VCL: variants seen among roughly 807,000 people sequenced by gnomAD.
VCL encodes the protein vinculin, also known as epididymis luminal protein 114.
In VCL, 47 loss-of-function variants were observed where a neutral mutation model predicts 125.7. The observed-to-expected ratio is 0.37, with a 90% CI of 0.30 to 0.48. The LOEUF is 0.48. VCL is among the 20% of genes least tolerant of loss of function. The pLI, the probability that VCL is intolerant of heterozygous loss-of-function variation, is 0.99. For synonymous variants in VCL, 458 were observed against 514.6 expected (o/e 0.89, Z 1.49); for missense variants, 1,069 against 1,455.5 (o/e 0.73, Z 4.32).
intron 6 of VCL, among the ~76,000 whole-genome samples, chr10:74,079,041 T>C (rs913926491): frequency 6.6e-6 from 1 of 152,180 alleles, no homozygotes; most frequent in Non-Finnish European, 1.5e-5. Flanking sequence ...AGGTCATTAT[T>C]ATTCACAGGT....
In VCL at chr10:74,072,811, C is replaced by T. The variant is rs921627346; in HGVS notation, c.581C>T (p.Ser194Leu). 3.1e-6 allele frequency: 5 copies of T among 1,613,982 alleles called. No homozygotes were observed. Among genetic ancestry groups the T allele is most frequent in the Admixed American group, 3.3e-5 (2 of 59,992 alleles). ...HQEHRVMLVN[S>L]MNTVKELLPV... is the part of the protein sequence containing the mutation. Reference sequence around the variant, plus strand: ...GAGCACCGAGTGATGTTGGTGAACTCGATGAACACCGTGAAAGAGTTGCTG... The same window carrying T: ...GAGCACCGAGTGATGTTGGTGAACTTGATGAACACCGTGAAAGAGTTGCTG... Residue 194 changes from serine to leucine, a missense_variant, in exon 5 of 22, where the codon TCG becomes TTG. By Grantham distance (145) the Ser-to-Leu change is moderately radical (BLOSUM62 -2). This residue lies in a region of VCL where 760 missense variants were observed against 928.9 expected (regional missense o/e 0.82). Transcript: ENST00000211998.
intron 15 of VCL, among the ~76,000 whole-genome samples, chr10:74,104,271 G>T (rs1024678147): frequency 1.6e-4 from 25 of 152,338 alleles, no homozygotes; most frequent in African/African-American, 6.0e-4. Flanking sequence ...TGTGGATACA[G>T]TAAGTGTCCC....
At chr10:74,081,841 G>C (rs1839678794) in intron 6 of VCL, among the ~76,000 whole-genome samples, 1 of 152,102 alleles carries the variant, frequency 6.6e-6, no homozygotes, top group African/African-American at 2.4e-5. Context: ...GGAATAGCAG[G>C]GAAGGTCAGA....
At chr10:74,054,682 A>C (rs1434801543) in intron 2 of VCL, among the ~76,000 whole-genome samples, 2 of 152,186 alleles carry the variant, frequency 1.3e-5, no homozygotes, top group Admixed American at 1.3e-4. Flanking sequence ...GCACTTCGGG[A>C]GGCCAGGGCA....
At chr10:74,036,536 C>T (rs1300169708) in intron 1 of VCL, among the ~76,000 whole-genome samples, 2 of 151,720 alleles carry the variant, frequency 1.3e-5, no homozygotes, top group South Asian at 4.2e-4. Flanking sequence ...ATCCATAGGA[C>T]TTTTTTCAGA....
At chr10:74,077,004 T>A (rs953241410) in intron 6 of VCL, 4 of 152,504 alleles carry the variant, frequency 2.6e-5, no homozygotes, top group African/African-American at 9.7e-5. Context: ...GTCAGTTGAG[T>A]TTTCAGGGCT....
At chr10:74,114,038 T>C (rs1338050755) in intron 19 of VCL, 146 bp from the exon 20 acceptor site, 1 of 871,140 alleles carries the variant, frequency 1.1e-6, no homozygotes, top group East Asian at 2.7e-5. Context: ...TCCGTATCAC[T>C]CAAGAACGGC....
chr10:74,107,391 A>G, intron 17 of VCL, 37 bp downstream of exon 17: 1 of 1,614,108 alleles, frequency 6.2e-7, no homozygotes, highest in Non-Finnish European at 8.5e-7. Flanking sequence ...TTGAGCAGGA[A>G]GGTGTTGAGA....
At chr10:74,008,730 G>A (rs1840363885) in intron 1 of VCL, among the ~76,000 whole-genome samples, 1 of 152,204 alleles carries the variant, frequency 6.6e-6, no homozygotes, top group Non-Finnish European at 1.5e-5. Flanking sequence ...TAATAAACCA[G>A]CATTAGGGCA....
chr10:74,095,460 A>C (rs981739014), intron 11 of VCL, among the ~76,000 whole-genome samples, 196 bp from the exon 12 acceptor site: 1 of 152,090 alleles, frequency 6.6e-6, no homozygotes, highest in Non-Finnish European at 1.5e-5. Context: ...ATGGTGGTGC[A>C]CACTTGTAGT....
chr10:74,118,331 C>A lies in VCL; in HGVS notation c.*162C>A. 1.2e-6 allele frequency: 1 copy of A among 843,542 alleles called. No individual in the cohort carries two copies. The highest frequency in any genetic ancestry group is 1.9e-6 in the Non-Finnish European group (1 of 523,424). 52.3% of individuals were successfully genotyped at this position (843,542 alleles called of 1,614,324 possible). A position where few individuals can be genotyped will look rare whatever the true frequency, so the allele number is the denominator to read the frequency against. Reference sequence around the variant, plus strand: ...CTCTTCAAATTAGAAGACATTTATACTCTTTTTTCATGGACACTTTGAAAT... The same window carrying A: ...CTCTTCAAATTAGAAGACATTTATAATCTTTTTTCATGGACACTTTGAAAT... On this transcript the variant is annotated 3_prime_UTR_variant, in exon 22 of 22. Coordinates refer to ENST00000211998, the MANE Select transcript of VCL (RefSeq NM_014000.3).
At chr10:74,078,909 G>GGA (rs1156311100) in intron 6 of VCL, among the ~76,000 whole-genome samples, 1 of 152,116 alleles carries the variant, frequency 6.6e-6, no homozygotes, top group Non-Finnish European at 1.5e-5. Context: ...GAGGGAGAAG[G>GGA]GAGAGTATGG....
chr10:74,101,887 CAG>C (rs1840063621), intron 14 of VCL, among the ~76,000 whole-genome samples: 1 of 140,466 alleles, frequency 7.1e-6, no homozygotes, highest in East Asian at 2.0e-4. Flanking sequence ...TTTTGAGGGA[CAG>C]AGTTTCGCTC....
At chr10:74,091,604 C>A (rs888305965) in intron 10 of VCL, among the ~76,000 whole-genome samples, 1 of 151,476 alleles carries the variant, frequency 6.6e-6, no homozygotes, top group Non-Finnish European at 1.5e-5. Flanking sequence ...GCCTGGCCAA[C>A]ATGGTGAAAC....
Position 74,072,711 on chromosome 10 carries a change from T to C in VCL, c.500-19T>C. 1 of 1,613,842 alleles carries C rather than the reference T, an allele frequency of 6.2e-7. No individual in the cohort carries two copies. Among genetic ancestry groups the C allele is most frequent in the Non-Finnish European group, 8.5e-7 (1 of 1,179,858 alleles). On this transcript the variant is annotated intron_variant, in intron 4 of 21. Transcript: ENST00000211998. ...TTGTTTCACTACTCACCCTGCACAA[T>C]TTCTTCTTTGTGCCCCAGGAATGAC...
At chr10:74,027,323 T>TTG (rs1405927230) in intron 1 of VCL, among the ~76,000 whole-genome samples, 7 of 152,000 alleles carry the variant, frequency 4.6e-5, no homozygotes, top group Non-Finnish European at 8.8e-5. Flanking sequence ...CCATTTTTTT[T>TTG]TTTTTGTAAT....
chr10:74,024,175 G>C (rs548456639), intron 1 of VCL, among the ~76,000 whole-genome samples: 51 of 152,258 alleles, frequency 3.3e-4, no homozygotes, highest in African/African-American at 1.2e-3. Flanking sequence ...CAAAGGAATA[G>C]AGTGATTTTG....
intron 1 of VCL, among the ~76,000 whole-genome samples, chr10:74,012,198 C>T (rs926216537): frequency 1.3e-5 from 2 of 152,176 alleles, no homozygotes; most frequent in African/African-American, 4.8e-5. Context: ...AGAACTGGCT[C>T]ATCTTTTATC....
At chr10:74,107,177 G>T in intron 16 of VCL, 53 bp from the exon 17 acceptor site, 1 of 1,613,770 alleles carries the variant, frequency 6.2e-7, no homozygotes, top group African/African-American at 1.3e-5. Flanking sequence ...TGCACAGACA[G>T]TGCTTTGGGG....
Sources: gnomAD v4.1 joint callset for allele counts (sites outside exome capture counted in the v4.1 genomes callset) on GRCh38, gnomAD v4.1.1 for gene constraint, gnomAD v4.1.1 regional missense constraint, MANE v1.5 for transcripts, NCBI Gene and HGNC (gene_info 2026-07-23, HGNC 2026-07-21) for gene names.